The following THADA variants were observed in gnomAD, a reference collection of about 807,000 sequenced individuals.
THADA encodes the protein THADA armadillo repeat containing, also known as tRNA (32-2'-O)-methyltransferase regulator THADA.
A neutral mutation model predicts 219.8 loss-of-function variants in THADA; 213 were observed. The observed-to-expected ratio is 0.97, with a 90% CI of 0.87 to 1.09. The LOEUF (loss-of-function observed/expected upper bound fraction) is 1.09. Among genes scored for constraint, THADA ranks in the 50% least tolerant of loss-of-function variants. The pLI, the probability that THADA is intolerant of heterozygous loss-of-function variation, is 0.00. For missense variants in THADA, 2,956 were observed against 2,311.3 expected (o/e 1.28, Z -5.72); for synonymous variants, 1,018 against 828.9 (o/e 1.23, Z -3.92).
Position 43,286,851 on chromosome 2 carries a change from A to G in THADA, c.5164+57T>C, listed in dbSNP as rs1337824569. On this transcript the variant is annotated intron_variant, in intron 35 of 37. Transcript: ENST00000405975. ...ACCTTCCCTTTTTTTAGGCAAGAAT[A>G]TCTATTCATATTTTAAGTGAGTTTG... 2.5e-6 allele frequency: 4 copies of G among 1,570,208 alleles called. No homozygotes were observed. In the African/African-American group the frequency reaches 5.4e-5, roughly 21 times the overall value.
At position 43,303,273 on chromosome 2, in the gene THADA, T is replaced by C. The variant is rs568221868; in HGVS notation, c.4439-10060A>G. On this transcript the variant is annotated intron_variant, in intron 31 of 37. Coordinates refer to ENST00000405975, the MANE Select transcript of THADA (RefSeq NM_022065.5). Reference sequence around the variant, plus strand: ...TAGCAGTGTTTGGTTCTTTGGTAGGTTGGAGATTCCAGTGTAATGTCTGCA... The same window carrying C: ...TAGCAGTGTTTGGTTCTTTGGTAGGCTGGAGATTCCAGTGTAATGTCTGCA... Among the ~76,000 whole-genome samples the C allele has an allele frequency of 8.5e-5, 13 of 152,312 alleles. No individual in the cohort carries two copies. The East Asian group carries it at 2.5e-3, about 29-fold the overall frequency.
At chr2:43,430,144 G>T in intron 27 of THADA, 69 bp downstream of exon 27, 1 of 740,062 alleles carries the variant, frequency 1.4e-6, no homozygotes, top group South Asian at 2.7e-5. Flanking sequence ...CTGCCTAGAG[G>T]GAAAATCTCA....
At chr2:43,259,988 C>G (rs961715826) in intron 36 of THADA, among the ~76,000 whole-genome samples, 2 of 152,078 alleles carry the variant, frequency 1.3e-5, no homozygotes, top group African/African-American at 4.8e-5. Context: ...TGACAGCAAT[C>G]TTTTTTTTCT....
chr2:43,582,672 C>A (rs1373014731), intron 7 of THADA, among the ~76,000 whole-genome samples: 2 of 147,796 alleles, frequency 1.4e-5, no homozygotes, highest in African/African-American at 2.5e-5. Context: ...CGGGTTCAAG[C>A]GATTCTCCTG....
chr2:43,293,081 A>G lies in THADA; in HGVS notation c.4571T>C (p.Ile1524Thr). 2 of 1,613,962 alleles carry G rather than the reference A, an allele frequency of 1.2e-6. No homozygotes were observed. Among genetic ancestry groups the G allele is most frequent in the Non-Finnish European group, 1.7e-6 (2 of 1,179,878 alleles). Residue 1524 changes from isoleucine (I) to threonine (T), a missense_variant, in exon 32 of 38, where the codon ATT becomes ACT. Transcript: ENST00000405975. Reference sequence around the variant, plus strand: ...GGCTGCCGCGGCCCACACTGCAGCAATGGCTAGTCTGGTGAGGCTCTGGAG... The same window carrying G: ...GGCTGCCGCGGCCCACACTGCAGCAGTGGCTAGTCTGGTGAGGCTCTGGAG... ...QYLQSLTRLA[I>T]AAVWAAAAKS...
At chr2:43,449,720 G>A (rs1682073196) in intron 26 of THADA, among the ~76,000 whole-genome samples, 1 of 152,156 alleles carries the variant, frequency 6.6e-6, no homozygotes, top group African/African-American at 2.4e-5. Context: ...AGTGGGCTGT[G>A]ATTGCACCAC....
intron 36 of THADA, among the ~76,000 whole-genome samples, chr2:43,258,962 T>A (rs2104190835): frequency 6.6e-6 from 1 of 152,300 alleles, no homozygotes; most frequent in East Asian, 1.9e-4. Context: ...GTGTGAGGCC[T>A]CCTGAAGATT....
intron 36 of THADA, among the ~76,000 whole-genome samples, chr2:43,274,515 C>G (rs1420034123): frequency 6.6e-6 from 1 of 152,092 alleles, no homozygotes; most frequent in African/African-American, 2.4e-5. Context: ...GAAGAGAGAA[C>G]TAAAGCACAG....
At chr2:43,396,019 A>G (rs1475040941) in intron 29 of THADA, among the ~76,000 whole-genome samples, 1 of 152,186 alleles carries the variant, frequency 6.6e-6, no homozygotes, top group African/African-American at 2.4e-5. Flanking sequence ...AGCCTCCCAA[A>G]GTGCTGGGAT....
At chr2:43,537,169 C>A (rs1043771439) in intron 21 of THADA, among the ~76,000 whole-genome samples, 2 of 152,228 alleles carry the variant, frequency 1.3e-5, no homozygotes, top group African/African-American at 2.4e-5. Context: ...TCCTACAAAA[C>A]AACAAAGGTA....
chr2:43,308,807 T>C (rs1285511515), intron 31 of THADA, among the ~76,000 whole-genome samples: 10 of 120,710 alleles, frequency 8.3e-5, no homozygotes, highest in Non-Finnish European at 1.7e-4. Context: ...TATCTCATGA[T>C]ACACATGAAA....
At chr2:43,291,814 A>G (rs1436984328) in intron 33 of THADA, 46 bp from the exon 34 acceptor site, 1 of 1,492,296 alleles carries the variant, frequency 6.7e-7, no homozygotes. Flanking sequence ...TTACAATCAG[A>G]CATATTTCAT....
intron 1 of THADA, chr2:43,592,778 T>A: frequency 6.3e-6 from 1 of 159,126 alleles, no homozygotes; most frequent in Non-Finnish European, 1.4e-5. Flanking sequence ...CAAACTTTCC[T>A]TTTAGTGAAC....
chr2:43,576,573 T>C (rs554860991), intron 10 of THADA, among the ~76,000 whole-genome samples: 7 of 152,348 alleles, frequency 4.6e-5, no homozygotes, highest in South Asian at 2.1e-4. Flanking sequence ...AAAATTTTTA[T>C]AGTTTTTAAA....
In THADA at chr2:43,574,675, A is replaced by C. The variant is rs765675388; in HGVS notation, c.1390T>G (p.Cys464Gly). ...KYTCLGCLVE[C>G]IGVEHILAID... ...GCCAAAATATGTTCAACTCCTATGC[A>C]CTCTACCAAACAACCAAGGCACGTG... The change falls in exon 11 of 38, where the codon TGC (cysteine) becomes GGC (glycine). Residue 464 changes from cysteine to glycine, a missense_variant. Cys to Gly is a radical substitution (Grantham distance 159). Transcript: ENST00000405975. 6.2e-7 allele frequency: 1 copy of C among 1,613,952 alleles called. No homozygotes were observed. Among genetic ancestry groups the C allele is most frequent in the Non-Finnish European group, 8.5e-7 (1 of 1,179,874 alleles).
At chr2:43,431,804 A>G (rs1415223120) in intron 26 of THADA, among the ~76,000 whole-genome samples, 1 of 62,122 alleles carries the variant, frequency 1.6e-5, no homozygotes, top group Non-Finnish European at 2.9e-5. Flanking sequence ...AGCTGGGACT[A>G]CAGGCGCCCG....
rs530075555 is a variant in THADA at position 43,497,857 on chromosome 2, C to A, written c.3744+976G>T. 1.0e-3 allele frequency among the ~76,000 whole-genome samples: 154 copies of A among 152,200 alleles called. 1 individual carries two copies. The highest frequency in any genetic ancestry group is 3.6e-3 in the African/African-American group (151 of 41,540). ...CTGAGATCACACCACTGCACTCCAG[C>A]CTGGGTGACAGAGCAAGACTCCAAC... On this transcript the variant is annotated intron_variant, in intron 25 of 37. Coordinates refer to ENST00000405975, the MANE Select transcript of THADA (RefSeq NM_022065.5).
chr2:43,334,733 C>T (rs1020772991), intron 30 of THADA, among the ~76,000 whole-genome samples: 3 of 151,756 alleles, frequency 2.0e-5, no homozygotes, highest in Non-Finnish European at 4.4e-5. Flanking sequence ...CGAGATCGCG[C>T]CACTGCACTC....
chr2:43,555,888 A>G (rs1208795183), intron 17 of THADA, among the ~76,000 whole-genome samples: 1 of 152,196 alleles, frequency 6.6e-6, no homozygotes, highest in Non-Finnish European at 1.5e-5. Flanking sequence ...GTTGAAAATC[A>G]CTAGATCTGA....
Sources: allele counts gnomAD v4.1 joint callset (sites outside exome capture counted in the v4.1 genomes callset), GRCh38; gene constraint gnomAD v4.1.1; transcripts MANE v1.5; gene names NCBI Gene and HGNC (gene_info 2026-07-23, HGNC 2026-07-21).